The following GKAP1 variants were observed in gnomAD, a reference collection of about 807,000 sequenced individuals.
GKAP1 encodes the protein G kinase anchoring protein 1, also known as G kinase-anchoring protein 1.
A neutral mutation model predicts 56.7 loss-of-function variants in GKAP1; 31 were observed. The observed-to-expected ratio is 0.55, with a 90% CI of 0.41 to 0.74. The LOEUF (loss-of-function observed/expected upper bound fraction) is 0.74, where lower values mean the gene tolerates loss of function less well. GKAP1 is among the 30% of genes least tolerant of loss of function. GKAP1 has a pLI of 0.00. For synonymous variants in GKAP1, 151 were observed against 138.6 expected (o/e 1.09, Z -0.63); for missense variants, 364 against 402.3 (o/e 0.90, Z 0.82).
At chr9:83,782,870 T>C (rs772876567) in intron 6 of GKAP1, among the ~76,000 whole-genome samples, 2 of 152,066 alleles carry the variant, frequency 1.3e-5, no homozygotes, top group African/African-American at 4.8e-5. Context: ...GGTTTCACCA[T>C]GTTGGCCAGG....
intron 3 of GKAP1, among the ~76,000 whole-genome samples, chr9:83,804,869 C>T (rs1944411563): frequency 6.7e-6 from 1 of 149,620 alleles, no homozygotes; most frequent in African/African-American, 2.5e-5. Context: ...CCCGCCCGGC[C>T]AGCCGCCCCG....
intron 7 of GKAP1, among the ~76,000 whole-genome samples, chr9:83,770,993 C>T (rs559758174): frequency 6.6e-6 from 1 of 152,326 alleles, no homozygotes; most frequent in Admixed American, 6.5e-5. Context: ...AGGAGCATTT[C>T]CTCTTCAACA....
At chr9:83,792,805 G>T (rs746586148) in intron 4 of GKAP1, 27 of 186,152 alleles carry the variant, frequency 1.5e-4, no homozygotes, top group Non-Finnish European at 2.7e-4. Context: ...GCAAATAAAA[G>T]CATACTTTTA....
intron 4 of GKAP1, chr9:83,793,116 T>C (rs1183809260): frequency 5.6e-6 from 2 of 354,056 alleles, no homozygotes; most frequent in East Asian, 2.9e-4. Flanking sequence ...ACAGTAAATA[T>C]TTTGGTACTA....
chr9:83,776,839 A>G (rs1409103674), intron 7 of GKAP1, among the ~76,000 whole-genome samples: 1 of 152,190 alleles, frequency 6.6e-6, no homozygotes, highest in East Asian at 1.9e-4. Flanking sequence ...AACAGATCCA[A>G]CATTACTTTT....
At chr9:83,782,660 CTTTTTTTTT>C (rs772629569) in intron 6 of GKAP1, among the ~76,000 whole-genome samples, 5 of 117,440 alleles carry the variant, frequency 4.3e-5, no homozygotes, top group East Asian at 2.5e-4. Flanking sequence ...CGCGCCCAGC[CTTTTTTTTT>C]TTTTTTTTTT....
chr9:83,761,259 C>G (rs1310235884), intron 8 of GKAP1, among the ~76,000 whole-genome samples: 1 of 151,932 alleles, frequency 6.6e-6, no homozygotes, highest in Non-Finnish European at 1.5e-5. Flanking sequence ...ACTAATACTA[C>G]TGAAATTCAA....
chr9:83,810,287 A>G (rs1016393100), intron 2 of GKAP1, among the ~76,000 whole-genome samples: 1 of 152,228 alleles, frequency 6.6e-6, no homozygotes, highest in Non-Finnish European at 1.5e-5. Context: ...CAATTCTAAG[A>G]AATCATTATT....
At chr9:83,797,962 G>C (rs1944274112) in intron 4 of GKAP1, among the ~76,000 whole-genome samples, 1 of 151,908 alleles carries the variant, frequency 6.6e-6, no homozygotes, top group African/African-American at 2.4e-5. Context: ...AGAAAAAAAA[G>C]AATCAACCCC....
At chr9:83,804,989 C>T (rs755571043) in intron 3 of GKAP1, among the ~76,000 whole-genome samples, 47 of 152,170 alleles carry the variant, frequency 3.1e-4, no homozygotes, top group Non-Finnish European at 5.7e-4. Context: ...TCATTGAGAA[C>T]GGGCCGGGAT....
intron 7 of GKAP1, among the ~76,000 whole-genome samples, chr9:83,780,134 A>T (rs901278272): frequency 6.6e-6 from 1 of 152,066 alleles, no homozygotes; most frequent in Non-Finnish European, 1.5e-5. Context: ...GCTCATACAC[A>T]TATATATACA....
chr9:83,791,605 T>G (rs113859201), intron 4 of GKAP1, among the ~76,000 whole-genome samples: 7 of 152,348 alleles, frequency 4.6e-5, no homozygotes, highest in African/African-American at 1.7e-4. Context: ...AAAATTTCAT[T>G]GTATGACCAA....
intron 3 of GKAP1, 22 bp from the exon 4 acceptor site, chr9:83,799,350 T>C (rs1587734481): frequency 1.3e-6 from 2 of 1,526,380 alleles, no homozygotes; most frequent in African/African-American, 1.4e-5. Context: ...ACAAAAAATA[T>C]ATTAAATTCA....
chr9:83,791,523 AG>A (rs1228526488), intron 4 of GKAP1, among the ~76,000 whole-genome samples: 2 of 152,258 alleles, frequency 1.3e-5, no homozygotes, highest in Non-Finnish European at 2.9e-5. Flanking sequence ...AACACAAACT[AG>A]TATACAAGAA....
chr9:83,805,767 C>T (rs939459664), intron 3 of GKAP1, among the ~76,000 whole-genome samples: 2 of 152,128 alleles, frequency 1.3e-5, no homozygotes, highest in Non-Finnish European at 2.9e-5. Flanking sequence ...TAAGACTTTC[C>T]TATTTTAAAC....
At chr9:83,753,214 A>T in intron 9 of GKAP1, 44 bp downstream of exon 9, 1 of 1,166,984 alleles carries the variant, frequency 8.6e-7, no homozygotes, top group Non-Finnish European at 1.3e-6. Flanking sequence ...AAACGTGAAA[A>T]TTTATAGAAT....
At chr9:83,769,965 G>T (rs1037837082) in intron 7 of GKAP1, among the ~76,000 whole-genome samples, 1 of 152,174 alleles carries the variant, frequency 6.6e-6, no homozygotes, top group South Asian at 2.1e-4. Context: ...GAATGGTGCT[G>T]AACATCCCTT....
chr9:83,763,063 T>G (rs1382986593), intron 8 of GKAP1, among the ~76,000 whole-genome samples: 1 of 151,986 alleles, frequency 6.6e-6, no homozygotes, highest in African/African-American at 2.4e-5. Context: ...GATGAATAAA[T>G]AAAGAAAATG....
chr9:83,785,494 A>G (rs1458161906), intron 5 of GKAP1, among the ~76,000 whole-genome samples: 1 of 152,008 alleles, frequency 6.6e-6, no homozygotes, highest in African/African-American at 2.4e-5. Context: ...TTTCCATCTC[A>G]CTACCCTGCC....
Sources: allele counts gnomAD v4.1 joint callset (sites outside exome capture counted in the v4.1 genomes callset), GRCh38; gene constraint gnomAD v4.1.1; transcripts MANE v1.5; gene names NCBI Gene and HGNC (gene_info 2026-07-23, HGNC 2026-07-21).